The following RBPJ variants were observed in gnomAD, a reference collection of about 807,000 sequenced individuals.
RBPJ encodes the protein recombination signal binding protein for immunoglobulin kappa J region, also known as recombining binding protein suppressor of hairless.
RBPJ carries 9 observed loss-of-function variants against 67.8 expected under a neutral mutation model. That is an observed-to-expected ratio of 0.13 (90% confidence interval 0.08 to 0.23). The LOEUF (loss-of-function observed/expected upper bound fraction) is 0.23, where lower values mean the gene tolerates loss of function less well. RBPJ is among the 10% of genes least tolerant of loss of function. The probability of loss-of-function intolerance (pLI) is 1.00; values close to 1 mark genes in which losing one functional copy is unlikely to be tolerated. For missense variants in RBPJ, 305 were observed against 595.6 expected (o/e 0.51, Z 5.08); for synonymous variants, 198 against 203.3 (o/e 0.97, Z 0.22).
At chr4:26,251,689 A>C (rs1389818748) in intron 1 of RBPJ, among the ~76,000 whole-genome samples, 1 of 151,684 alleles carries the variant, frequency 6.6e-6, no homozygotes, top group African/African-American at 2.4e-5. Context: ...CTCTACTAAA[A>C]ATACTAAAAT....
At chr4:26,343,202 C>G (rs1162416006) in intron 1 of RBPJ, 1 of 152,178 alleles carries the variant, frequency 6.6e-6, no homozygotes, top group Non-Finnish European at 1.5e-5. Flanking sequence ...TAGGACGGCA[C>G]AAACTGAGAG....
At chr4:26,172,406 A>G (rs1716625574) in intron 1 of RBPJ, among the ~76,000 whole-genome samples, 1 of 152,230 alleles carries the variant, frequency 6.6e-6, no homozygotes, top group African/African-American at 2.4e-5. Context: ...ATAAGGGAAT[A>G]GACTCTTAGG....
intron 1 of RBPJ, among the ~76,000 whole-genome samples, chr4:26,375,288 CAAAA>C (rs561305108): frequency 1.6e-4 from 16 of 102,890 alleles, no homozygotes; most frequent in Non-Finnish European, 1.6e-4. Flanking sequence ...GACCCTGTCT[CAAAA>C]AAAAAAAAAA....
At chr4:26,139,836 T>C in the RBPJ span, among the ~76,000 whole-genome samples, 1 of 152,356 alleles carries the variant, frequency 6.6e-6, no homozygotes, top group East Asian at 1.9e-4. Flanking sequence ...CATGTTTCTG[T>C]ACTTAATTTT....
At chr4:26,343,943 G>T (rs1260715028) in intron 1 of RBPJ, among the ~76,000 whole-genome samples, 1 of 151,802 alleles carries the variant, frequency 6.6e-6, no homozygotes, top group Non-Finnish European at 1.5e-5. Context: ...TAGGGAGAGG[G>T]TTTCACCATG....
intron 1 of RBPJ, among the ~76,000 whole-genome samples, chr4:26,298,186 GA>G (rs904495003): frequency 1.1e-4 from 17 of 149,408 alleles, no homozygotes; most frequent in Admixed American, 4.0e-4. Context: ...TAATCCTTGG[GA>G]AAAAAAAATA....
chr4:26,242,694 C>G (rs998628622), intron 1 of RBPJ, among the ~76,000 whole-genome samples: 1 of 139,266 alleles, frequency 7.2e-6, no homozygotes, highest in Non-Finnish European at 1.5e-5. Context: ...ACCAACAGAC[C>G]CACTCATAGT....
chr4:26,182,876 C>T (rs916703432), intron 1 of RBPJ, among the ~76,000 whole-genome samples: 8 of 152,182 alleles, frequency 5.3e-5, no homozygotes, highest in African/African-American at 1.9e-4. Context: ...TCATCAGTAT[C>T]ACTGTCTTCT....
intron 1 of RBPJ, 61 bp downstream of exon 1, chr4:26,321,109 C>A: frequency 7.2e-7 from 1 of 1,381,282 alleles, no homozygotes; most frequent in Non-Finnish European, 1.0e-6. Context: ...TGGCAGCTCA[C>A]GGCGGGCAGC....
chr4:26,388,647 G>A (rs1300756893), intron 2 of RBPJ, among the ~76,000 whole-genome samples: 1 of 151,938 alleles, frequency 6.6e-6, no homozygotes, highest in African/African-American at 2.4e-5. Context: ...CTCTAAAGAT[G>A]AAAAGTTTAA....
At chr4:26,120,787 A>G in the RBPJ span, among the ~76,000 whole-genome samples, 1 of 131,814 alleles carries the variant, frequency 7.6e-6, no homozygotes, top group Non-Finnish European at 1.5e-5. Flanking sequence ...GAGACCATTG[A>G]GGCGTGGACA....
intron 1 of RBPJ, among the ~76,000 whole-genome samples, chr4:26,269,555 G>A (rs560561277): frequency 7.9e-5 from 12 of 151,940 alleles, no homozygotes; most frequent in East Asian, 7.7e-4. Context: ...CTCGCCAGGC[G>A]TCACCTTGGT....
chr4:26,108,780 G>A, the RBPJ span, among the ~76,000 whole-genome samples: 1 of 152,174 alleles, frequency 6.6e-6, no homozygotes, highest in Non-Finnish European at 1.5e-5. Flanking sequence ...GAATGAACTG[G>A]GCAGTAAAGT....
At chr4:26,362,390 A>C (rs1396265064) in intron 1 of RBPJ, 2 of 1,079,878 alleles carry the variant, frequency 1.9e-6, no homozygotes, top group Non-Finnish European at 2.5e-6. Flanking sequence ...AACACAGTGC[A>C]CTAGCAGTTT....
intron 1 of RBPJ, among the ~76,000 whole-genome samples, chr4:26,186,184 C>CT (rs1386721195): frequency 1.7e-4 from 24 of 141,942 alleles, no homozygotes; most frequent in Admixed American, 7.9e-4. Flanking sequence ...CTGCTCCCCC[C>CT]TTTTTTTTAA....
rs1369053155 is a variant in RBPJ at position 26,381,512 on chromosome 4, T to G, written c.21-4841T>G. 2.6e-5 allele frequency among the ~76,000 whole-genome samples: 4 copies of G among 152,186 alleles called. No homozygotes were observed. In the South Asian group the frequency reaches 8.3e-4, roughly 31 times the overall value. On this transcript the variant is annotated intron_variant, in intron 1 of 10. Coordinates refer to ENST00000355476, the MANE Select transcript of RBPJ (RefSeq NM_015874.6). Reference sequence around the variant, plus strand: ...GCATTTTCCCCAGCTGTTCTTACTTTGAATATAAAATCATTGTTTTCTTAG... The same window carrying G: ...GCATTTTCCCCAGCTGTTCTTACTTGGAATATAAAATCATTGTTTTCTTAG...
At chr4:26,210,878 A>G (rs1019456348) in intron 1 of RBPJ, among the ~76,000 whole-genome samples, 2 of 149,788 alleles carry the variant, frequency 1.3e-5, no homozygotes, top group African/African-American at 4.9e-5. Context: ...CTTTCAACCG[A>G]AGAGCCTGGA....
the RBPJ span, among the ~76,000 whole-genome samples, chr4:26,150,123 A>C: frequency 6.6e-6 from 1 of 152,038 alleles, no homozygotes; most frequent in East Asian, 1.9e-4. Context: ...AGTAGGAAAA[A>C]CTCTTCCATT....
At chr4:26,319,216 C>T (rs1722782705), upstream of RBPJ, among the ~76,000 whole-genome samples, 1 of 152,024 alleles carries the variant, frequency 6.6e-6, no homozygotes, top group African/African-American at 2.4e-5. Context: ...CGACAGGAAA[C>T]CTCCCCGGGA....
Sources: gnomAD v4.1 joint callset for allele counts (sites outside exome capture counted in the v4.1 genomes callset) on GRCh38, gnomAD v4.1.1 for gene constraint, MANE v1.5 for transcripts, NCBI Gene and HGNC (gene_info 2026-07-23, HGNC 2026-07-21) for gene names.